The following PCDH9 variants were observed in gnomAD, a reference collection of about 807,000 sequenced individuals.
PCDH9 encodes protocadherin-9.
Under a neutral mutation model 70.6 loss-of-function variants are expected in PCDH9, and 24 were observed. The observed-to-expected ratio is 0.34, with a 90% CI of 0.25 to 0.48. The LOEUF (loss-of-function observed/expected upper bound fraction) is 0.48, where lower values mean the gene tolerates loss of function less well. PCDH9 is among the 20% of genes least tolerant of loss of function. The pLI is 0.99. For synonymous variants in PCDH9, 562 were observed against 558.5 expected (o/e 1.01, Z -0.09); for missense variants, 1,281 against 1,503.6 (o/e 0.85, Z 2.45).
chr13:66,732,978 T>A (rs1216431735), intron 3 of PCDH9, among the ~76,000 whole-genome samples: 1 of 152,086 alleles, frequency 6.6e-6, no homozygotes, highest in Non-Finnish European at 1.5e-5. Context: ...CTATCTCTGA[T>A]AATAAAATGG....
At chr13:66,794,697 G>C (rs552150232) in intron 3 of PCDH9, among the ~76,000 whole-genome samples, 164 of 152,156 alleles carry the variant, frequency 1.1e-3, no homozygotes, top group Non-Finnish European at 1.6e-3. Flanking sequence ...CTCTCCTGCT[G>C]TCAATACTGT....
intron 2 of PCDH9, among the ~76,000 whole-genome samples, chr13:67,028,930 G>A (rs1023815830): frequency 6.6e-6 from 1 of 152,144 alleles, no homozygotes; most frequent in Non-Finnish European, 1.5e-5. Flanking sequence ...CCAAAAAAGA[G>A]TTCTGGCAAA....
At chr13:66,824,956 T>C (rs1017280988) in intron 3 of PCDH9, among the ~76,000 whole-genome samples, 1 of 151,736 alleles carries the variant, frequency 6.6e-6, no homozygotes, top group Non-Finnish European at 1.5e-5. Context: ...TGCAGGGTAT[T>C]TCTCTTACCA....
At chr13:66,592,675 A>G (rs1374402250) in intron 4 of PCDH9, among the ~76,000 whole-genome samples, 1 of 151,658 alleles carries the variant, frequency 6.6e-6, no homozygotes, top group African/African-American at 2.4e-5. Flanking sequence ...ACCTTTTCTC[A>G]TTTTATCTAT....
At chr13:67,074,882 G>C (rs1187683863) in intron 2 of PCDH9, among the ~76,000 whole-genome samples, 1 of 151,946 alleles carries the variant, frequency 6.6e-6, no homozygotes, top group African/African-American at 2.4e-5. Context: ...ATATATATTA[G>C]TTTATTCTTA....
intron 4 of PCDH9, among the ~76,000 whole-genome samples, chr13:66,629,205 T>C (rs1027511143): frequency 1.3e-5 from 2 of 152,238 alleles, no homozygotes; most frequent in African/African-American, 4.8e-5. Flanking sequence ...AAATTAACTT[T>C]GGTAAACTCT....
intron 2 of PCDH9, among the ~76,000 whole-genome samples, chr13:66,968,527 G>T (rs1467274208): frequency 3.3e-5 from 5 of 151,970 alleles, no homozygotes; most frequent in Non-Finnish European, 7.4e-5. Flanking sequence ...TTGGTTTCTT[G>T]TATTAGAGTG....
intron 4 of PCDH9, among the ~76,000 whole-genome samples, chr13:66,309,473 T>C (rs1955525646): frequency 6.6e-6 from 1 of 152,028 alleles, no homozygotes; most frequent in Non-Finnish European, 1.5e-5. Context: ...ACTGAGTTTT[T>C]ATGCTTTTAA....
intron 2 of PCDH9, among the ~76,000 whole-genome samples, chr13:67,056,934 T>C (rs1334214720): frequency 6.6e-6 from 1 of 152,172 alleles, no homozygotes; most frequent in African/African-American, 2.4e-5. Context: ...GCAAAAAATT[T>C]TGGATACAAA....
intron 4 of PCDH9, among the ~76,000 whole-genome samples, chr13:66,504,780 C>A (rs1188392118): frequency 1.3e-5 from 2 of 152,262 alleles, no homozygotes; most frequent in East Asian, 3.9e-4. Context: ...GTGTCAGGGA[C>A]ATTTCAAAGA....
At chr13:66,684,542 G>A (rs1244604722) in intron 3 of PCDH9, among the ~76,000 whole-genome samples, 2 of 152,070 alleles carry the variant, frequency 1.3e-5, no homozygotes, top group African/African-American at 2.4e-5. Context: ...ATTTCTGATG[G>A]TTTTATAAGG....
rs553704006 is a variant in PCDH9, at chr13:66,838,820, T to C, written c.3138+64684A>G. Reference sequence around the variant, plus strand: ...ACTCATTTCTCTCTTCTGCTTATAATGTATGATGCACTAATCTCTAGTAAC... The same window carrying C: ...ACTCATTTCTCTCTTCTGCTTATAACGTATGATGCACTAATCTCTAGTAAC... On this transcript the variant is annotated intron_variant, in intron 3 of 4. Coordinates refer to ENST00000377865, the MANE Select transcript of PCDH9 (RefSeq NM_203487.3). Among the ~76,000 whole-genome samples, 9 of 152,232 alleles carry C rather than the reference T, an allele frequency of 5.9e-5. No individual in the cohort carries two copies. The South Asian group carries it at 1.9e-3, about 32-fold the overall frequency.
chr13:66,404,668 C>A (rs1957249426), intron 4 of PCDH9, among the ~76,000 whole-genome samples: 1 of 152,072 alleles, frequency 6.6e-6, no homozygotes, highest in Non-Finnish European at 1.5e-5. Flanking sequence ...CACTGAAATT[C>A]ATAATGTAGT....
intron 3 of PCDH9, among the ~76,000 whole-genome samples, chr13:66,669,970 C>G (rs552373258): frequency 1.7e-4 from 26 of 152,066 alleles, no homozygotes; most frequent in African/African-American, 6.3e-4. Context: ...GCATAAAGAG[C>G]TTTGTGCACT....
At chr13:66,878,984 C>T (rs1336291396) in intron 3 of PCDH9, among the ~76,000 whole-genome samples, 2 of 152,146 alleles carry the variant, frequency 1.3e-5, no homozygotes, top group South Asian at 2.1e-4. Flanking sequence ...GTGTGAATAA[C>T]GTACGATTAT....
At chr13:66,707,139 G>A (rs994902180) in intron 3 of PCDH9, among the ~76,000 whole-genome samples, 1 of 152,250 alleles carries the variant, frequency 6.6e-6, no homozygotes. Flanking sequence ...AACCATTCAC[G>A]TGAAAGAGGT....
At chr13:66,558,374 G>A (rs1961840225) in intron 4 of PCDH9, among the ~76,000 whole-genome samples, 1 of 151,960 alleles carries the variant, frequency 6.6e-6, no homozygotes, top group African/African-American at 2.4e-5. Context: ...GAAGTGAAGG[G>A]TTCTGTCCTG....
intron 4 of PCDH9, among the ~76,000 whole-genome samples, chr13:66,401,407 T>G (rs921070744): frequency 6.6e-6 from 1 of 151,962 alleles, no homozygotes; most frequent in Non-Finnish European, 1.5e-5. Context: ...TGTGAAGAAG[T>G]ACATATTTGC....
In PCDH9 at chr13:66,813,458, G is replaced by C. The variant is rs187733233; in HGVS notation, c.3138+90046C>G. Among the ~76,000 whole-genome samples the C allele has an allele frequency of 5.8e-3, 879 of 151,300 alleles. 12 individuals are homozygous for C. Among genetic ancestry groups the C allele is most frequent in the African/African-American group, 0.019 (768 of 41,236 alleles). ...GGAAGGAGGGAAGAGAGAAAGGGTG[G>C]GAGGGAGGAAGGGAAGAAGGAAGGG... On this transcript the variant is annotated intron_variant, in intron 3 of 4. Transcript: ENST00000377865.
Sources: allele counts gnomAD v4.1 joint callset (sites outside exome capture counted in the v4.1 genomes callset), GRCh38; gene constraint gnomAD v4.1.1; transcripts MANE v1.5; gene names NCBI Gene and HGNC (gene_info 2026-07-23, HGNC 2026-07-21).